Variants in MME observed in about 807,000 individuals in gnomAD.
MME encodes the protein membrane metalloendopeptidase.
Under a neutral mutation model 113.2 loss-of-function variants are expected in MME, and 98 were observed. That is an observed-to-expected ratio of 0.87 (90% CI 0.74 to 1.02). The LOEUF (loss-of-function observed/expected upper bound fraction) is 1.02. Ranked by LOEUF, MME falls within the 50% of genes least tolerant of loss-of-function variation. The pLI is 0.00. For synonymous variants in MME, 292 were observed against 300.6 expected (o/e 0.97, Z 0.30); for missense variants, 836 against 896.0 (o/e 0.93, Z 0.86).
intron 3 of MME, among the ~76,000 whole-genome samples, chr3:155,106,827 G>A (rs1051433806): frequency 6.6e-6 from 1 of 152,202 alleles, no homozygotes; most frequent in African/African-American, 2.4e-5. Context: ...AGAAATGGGT[G>A]TCCTAAGGTC....
At chr3:155,030,567 T>A (rs1712936432) in intron 1 of MME, among the ~76,000 whole-genome samples, 1 of 152,136 alleles carries the variant, frequency 6.6e-6, no homozygotes, top group South Asian at 2.1e-4. Flanking sequence ...AAACACTTTA[T>A]CCAGCTTTTT....
chr3:155,053,712 A>G (rs1303358678), intron 1 of MME, among the ~76,000 whole-genome samples: 1 of 152,228 alleles, frequency 6.6e-6, no homozygotes, highest in Non-Finnish European at 1.5e-5. Flanking sequence ...CTGGGATTCT[A>G]GCAAGAAATG....
intron 1 of MME, among the ~76,000 whole-genome samples, chr3:155,072,438 C>T (rs895396016): frequency 6.6e-6 from 1 of 152,214 alleles, no homozygotes; most frequent in African/African-American, 2.4e-5. Context: ...ATTACATCTT[C>T]TGTTTTCTTT....
intron 8 of MME, among the ~76,000 whole-genome samples, chr3:155,125,373 ATCT>A (rs1719551749): frequency 7.3e-6 from 1 of 136,064 alleles, no homozygotes; most frequent in Admixed American, 7.9e-5. Context: ...GAAATCACCC[ATCT>A]TCTGCGTTGC....
Position 155,168,562 on chromosome 3 carries a change from G to A in MME, c.1851G>A (p.Glu617=). 1.2e-6 allele frequency: 2 copies of A among 1,613,820 alleles called. No homozygotes were observed. Among genetic ancestry groups the A allele is most frequent in the Non-Finnish European group, 8.5e-7 (1 of 1,179,802 alleles). Reference sequence around the variant, plus strand: ...AACAGTCTGCAAGTAACTTTAAGGAGCAATCCCAGTGCATGGTGTATCAGT... The same window carrying A: ...AACAGTCTGCAAGTAACTTTAAGGAACAATCCCAGTGCATGGTGTATCAGT... ...WTQQSASNFK[E]QSQCMVYQYG... is the part of the protein sequence containing the mutation. Residue 617 remains glutamate, a synonymous_variant, in exon 19 of 23, where the codon GAG becomes GAA. Transcript: ENST00000360490.
At chr3:155,157,553 T>C (rs1262664549) in intron 16 of MME, among the ~76,000 whole-genome samples, 1 of 152,178 alleles carries the variant, frequency 6.6e-6, no homozygotes, top group Admixed American at 6.6e-5. Flanking sequence ...CACTGTTTAG[T>C]TGGCCCTGTT....
At chr3:155,178,959 G>A (rs1248566465) in intron 22 of MME, among the ~76,000 whole-genome samples, 10 of 152,142 alleles carry the variant, frequency 6.6e-5, no homozygotes, top group Admixed American at 6.5e-4. Context: ...ATAGAAATTA[G>A]TCTAGTGGGT....
chr3:155,128,392 G>C (rs1719856948), intron 8 of MME, among the ~76,000 whole-genome samples: 1 of 152,066 alleles, frequency 6.6e-6, no homozygotes, highest in Non-Finnish European at 1.5e-5. Context: ...ATCTTTGAAA[G>C]ATGTCAACCA....
chr3:155,144,710 C>G (rs975091285), intron 14 of MME, among the ~76,000 whole-genome samples: 2 of 151,980 alleles, frequency 1.3e-5, no homozygotes, highest in African/African-American at 4.8e-5. Context: ...TAAGGTGGTG[C>G]ACTATTGGTG....
intron 16 of MME, among the ~76,000 whole-genome samples, chr3:155,157,811 C>T (rs1446642021): frequency 1.3e-5 from 2 of 152,074 alleles, no homozygotes; most frequent in Non-Finnish European, 2.9e-5. Context: ...CTGTGTAAAC[C>T]CAACCACCAT....
intron 1 of MME, among the ~76,000 whole-genome samples, chr3:155,057,354 CA>C (rs199631161): frequency 0.043 from 6,597 of 152,108 alleles, 153 homozygotes; most frequent in African/African-American, 0.052. Flanking sequence ...AAATGCTCAT[CA>C]TCACTGGCCA....
chr3:155,144,981 G>C (rs1023275115), intron 14 of MME, among the ~76,000 whole-genome samples: 1 of 152,156 alleles, frequency 6.6e-6, no homozygotes, highest in African/African-American at 2.4e-5. Flanking sequence ...AATCTCTGTA[G>C]TTAGGTTGGC....
intron 3 of MME, among the ~76,000 whole-genome samples, chr3:155,096,646 G>A (rs959808700): frequency 6.6e-6 from 1 of 152,172 alleles, no homozygotes; most frequent in South Asian, 2.1e-4. Flanking sequence ...TTGGGCTACT[G>A]CACTTATTTG....
intron 3 of MME, chr3:155,089,865 G>A (rs1232659357): frequency 4.4e-6 from 2 of 452,564 alleles, no homozygotes; most frequent in South Asian, 3.1e-5. Flanking sequence ...ATCCCAGAGG[G>A]AGGAGAATTG....
intron 13 of MME, among the ~76,000 whole-genome samples, chr3:155,143,789 C>A (rs1403682676): frequency 6.6e-6 from 1 of 152,102 alleles, no homozygotes; most frequent in Non-Finnish European, 1.5e-5. Flanking sequence ...TAGTCTGAAA[C>A]CAACTCACCA....
intron 20 of MME, among the ~76,000 whole-genome samples, chr3:155,171,612 T>C (rs534149373): frequency 6.6e-6 from 1 of 152,286 alleles, no homozygotes; most frequent in East Asian, 1.9e-4. Context: ...TAGTTGCATT[T>C]TATTATCCTC....
chr3:155,072,013 T>C (rs1459731060), intron 1 of MME, among the ~76,000 whole-genome samples: 1 of 150,672 alleles, frequency 6.6e-6, no homozygotes, highest in East Asian at 2.0e-4. Flanking sequence ...TACAAGAAAT[T>C]AGCCGGGCGC....
At chr3:155,100,705 A>G (rs981072851) in intron 3 of MME, among the ~76,000 whole-genome samples, 6 of 152,182 alleles carry the variant, frequency 3.9e-5, no homozygotes, top group Non-Finnish European at 7.3e-5. Flanking sequence ...TCATGCAAAT[A>G]TGAATATTTT....
At chr3:155,069,859 C>G (rs1714496501) in intron 1 of MME, among the ~76,000 whole-genome samples, 1 of 152,132 alleles carries the variant, frequency 6.6e-6, no homozygotes, top group South Asian at 2.1e-4. Flanking sequence ...ACTCCCTTGC[C>G]CTTGTCCATG....
Sources: gnomAD v4.1 joint callset for allele counts (sites outside exome capture counted in the v4.1 genomes callset) on GRCh38, gnomAD v4.1.1 for gene constraint, MANE v1.5 for transcripts, NCBI Gene and HGNC (gene_info 2026-07-23, HGNC 2026-07-21) for gene names.